PDE7B: variants seen among roughly 807,000 people sequenced by gnomAD.
PDE7B encodes the protein phosphodiesterase 7B.
PDE7B carries 29 observed loss-of-function variants against 56.2 expected under a neutral mutation model. The ratio of observed to expected loss-of-function variants is 0.52; its 90% CI spans 0.38 to 0.70. The LOEUF is 0.70. Ranked by LOEUF, PDE7B falls within the 30% of genes least tolerant of loss-of-function variation. The pLI is 0.00. For missense variants in PDE7B, 490 were observed against 565.0 expected, an observed-to-expected ratio of 0.87 and a Z score of 1.35; for synonymous variants, 197 against 196.9, an observed-to-expected ratio of 1.00 and a Z score of 0.00.
In PDE7B at chr6:136,084,388, T is replaced by C. The variant is rs74406055; in HGVS notation, c.83-24343T>C. Among the ~76,000 whole-genome samples, 1,413 of 152,262 alleles carry C rather than the reference T, an allele frequency of 9.3e-3. 28 individuals are homozygous for C. The highest frequency in any genetic ancestry group is 0.033 in the African/African-American group (1,359 of 41,542). On this transcript the variant is annotated intron_variant, in intron 2 of 12. Transcript: ENST00000308191. Reference sequence around the variant, plus strand: ...TCTGCAGAACTGTGCCAGAAATATATATTCAGCTTGGACTCTAGGAATAGA... The same window carrying C: ...TCTGCAGAACTGTGCCAGAAATATACATTCAGCTTGGACTCTAGGAATAGA...
rs192419182 is a variant in PDE7B, at chr6:135,999,774, T to C, written c.82+52250T>C. ...AATGATTTACATTGCTCTGGGTATA[T>C]AGCCAGTAATGAGATTGCTGGGCCG... On this transcript the variant is annotated intron_variant, in intron 2 of 12. Transcript: ENST00000308191. Among the ~76,000 whole-genome samples, 5 of 152,308 alleles carry C rather than the reference T, an allele frequency of 3.3e-5. No individual in the cohort carries two copies. The East Asian group carries it at 9.6e-4, about 29-fold the overall frequency.
At chr6:135,935,882 C>T (rs1037664040) in intron 1 of PDE7B, among the ~76,000 whole-genome samples, 5 of 152,190 alleles carry the variant, frequency 3.3e-5, no homozygotes, top group African/African-American at 1.2e-4. Flanking sequence ...CATGTCTCAG[C>T]GCTGTCCATG....
At chr6:135,915,633 T>C (rs964544348) in intron 1 of PDE7B, among the ~76,000 whole-genome samples, 3 of 152,154 alleles carry the variant, frequency 2.0e-5, no homozygotes, top group African/African-American at 7.2e-5. Flanking sequence ...GCGCACCCCT[T>C]ATGTAACACA....
Position 136,029,607 on chromosome 6 carries a change from G to A in PDE7B, c.83-79124G>A, listed in dbSNP as rs558285443. On this transcript the variant is annotated intron_variant, in intron 2 of 12. Coordinates refer to ENST00000308191, the MANE Select transcript of PDE7B (RefSeq NM_018945.4). ...ACCCAGAGGTCCAAATAAGCAAATA[G>A]AGCAGGATCAGTTAGTATGCATATC... Among the ~76,000 whole-genome samples, 70 of 152,274 alleles carry A rather than the reference G, an allele frequency of 4.6e-4. 2 individuals are homozygous for A. In the South Asian group the frequency reaches 0.014, roughly 31 times the overall value.
chr6:135,872,793 T>G (rs1396386483), intron 1 of PDE7B, among the ~76,000 whole-genome samples: 2 of 152,160 alleles, frequency 1.3e-5, no homozygotes, highest in Non-Finnish European at 2.9e-5. Flanking sequence ...TTTGATAAGT[T>G]AATATATAAT....
At chr6:135,950,608 G>C (rs2128199936) in intron 2 of PDE7B, among the ~76,000 whole-genome samples, 1 of 152,114 alleles carries the variant, frequency 6.6e-6, no homozygotes, top group South Asian at 2.1e-4. Context: ...TCAAGCCCTT[G>C]GCTCACTCCC....
intron 1 of PDE7B, among the ~76,000 whole-genome samples, chr6:135,864,706 C>T (rs180825995): frequency 1.3e-5 from 2 of 151,934 alleles, no homozygotes; most frequent in African/African-American, 4.8e-5. Flanking sequence ...AAATGTGTGT[C>T]GTGATATTGT....
At chr6:136,030,655 G>C (rs566098342) in intron 2 of PDE7B, among the ~76,000 whole-genome samples, 3 of 152,310 alleles carry the variant, frequency 2.0e-5, no homozygotes, top group East Asian at 1.9e-4. Context: ...AGATTACCAG[G>C]CTTCATGGAA....
chr6:135,863,891 T>C (rs1293576268), intron 1 of PDE7B, among the ~76,000 whole-genome samples: 4 of 152,112 alleles, frequency 2.6e-5, no homozygotes, highest in African/African-American at 9.6e-5. Flanking sequence ...AGTCTGACTA[T>C]ATTTGCCTTT....
intron 2 of PDE7B, among the ~76,000 whole-genome samples, chr6:135,959,755 A>G (rs1161394975): frequency 6.9e-6 from 1 of 144,178 alleles, no homozygotes; most frequent in African/African-American, 2.5e-5. Context: ...GGAATATCAC[A>G]GAGTCTTTTC....
At chr6:136,058,572 G>A (rs758025860) in intron 2 of PDE7B, among the ~76,000 whole-genome samples, 1 of 152,168 alleles carries the variant, frequency 6.6e-6, no homozygotes, top group African/African-American at 2.4e-5. Context: ...AGTTTTGGAT[G>A]TACTATTCAT....
chr6:135,981,683 TG>T (rs1775299773), intron 2 of PDE7B, among the ~76,000 whole-genome samples: 2 of 151,194 alleles, frequency 1.3e-5, no homozygotes, highest in African/African-American at 4.9e-5. Flanking sequence ...ATAACACACA[TG>T]GGGCTGCCAT....
intron 2 of PDE7B, among the ~76,000 whole-genome samples, chr6:136,075,402 A>G (rs1431516501): frequency 6.6e-6 from 1 of 152,184 alleles, no homozygotes; most frequent in Non-Finnish European, 1.5e-5. Flanking sequence ...GCTGTTGATG[A>G]CTTCTCTTTG....
chr6:136,017,417 A>G (rs1775993966), intron 2 of PDE7B, among the ~76,000 whole-genome samples: 2 of 152,072 alleles, frequency 1.3e-5, no homozygotes, highest in Non-Finnish European at 2.9e-5. Context: ...ATGTATACAT[A>G]TGCCATGTTG....
intron 2 of PDE7B, among the ~76,000 whole-genome samples, chr6:135,965,886 C>A (rs1440583498): frequency 6.6e-6 from 1 of 151,942 alleles, no homozygotes; most frequent in Non-Finnish European, 1.5e-5. Flanking sequence ...AGATGAGGAG[C>A]CAGAGGAAAT....
At chr6:136,148,016 C>A (rs1778444772) in intron 4 of PDE7B, among the ~76,000 whole-genome samples, 1 of 152,004 alleles carries the variant, frequency 6.6e-6, no homozygotes, top group African/African-American at 2.4e-5. Context: ...ATACATTGAT[C>A]TGACTGAGGG....
At position 136,194,424 on chromosome 6, in the gene PDE7B, A is replaced by G. The variant is rs1441325281; in HGVS notation, c.*2584A>G. 6.6e-6 allele frequency: 1 copy of G among 152,346 alleles called. No individual in the cohort carries two copies. The highest frequency in any genetic ancestry group is 1.9e-4 in the East Asian group (1 of 5,188). 9.4% of individuals were successfully genotyped at this position (152,346 alleles called of 1,614,324 possible). A position where few individuals can be genotyped will look rare whatever the true frequency, so the allele number is the denominator to read the frequency against. ...AAGCCCATGATGTAGCCACTAGTAC[A>G]ATAAAAATCTGAAGTAAAATGAGGC... On this transcript the variant is annotated 3_prime_UTR_variant, in exon 13 of 13. Coordinates refer to ENST00000308191, the MANE Select transcript of PDE7B (RefSeq NM_018945.4).
chr6:135,852,120 A>T (rs1415344988), intron 1 of PDE7B, 101 bp downstream of exon 1: 4 of 833,510 alleles, frequency 4.8e-6, no homozygotes, highest in Non-Finnish European at 8.3e-6. Flanking sequence ...GTACATATAT[A>T]TGTTTTTTGT....
chr6:135,870,291 TG>T (rs2128186505), intron 1 of PDE7B, among the ~76,000 whole-genome samples: 1 of 152,294 alleles, frequency 6.6e-6, no homozygotes, highest in South Asian at 2.1e-4. Context: ...ATTCTGGAGC[TG>T]GGCTCCTTGG....
Sources: allele counts gnomAD v4.1 joint callset (sites outside exome capture counted in the v4.1 genomes callset), GRCh38; gene constraint gnomAD v4.1.1; transcripts MANE v1.5; gene names NCBI Gene and HGNC (gene_info 2026-07-23, HGNC 2026-07-21).